PLCG2: variants seen among roughly 807,000 people sequenced by gnomAD.
PLCG2 encodes the protein 1-phosphatidylinositol 4,5-bisphosphate phosphodiesterase gamma-2.
Under a neutral mutation model 175.6 loss-of-function variants are expected in PLCG2, and 69 were observed. The ratio of observed to expected loss-of-function variants is 0.39; its 90% CI spans 0.32 to 0.48. The LOEUF (loss-of-function observed/expected upper bound fraction) is 0.48. PLCG2 is among the 20% of genes least tolerant of loss of function. The pLI, the probability that PLCG2 is intolerant of heterozygous loss-of-function variation, is 0.91. For missense variants in PLCG2, 1,798 were observed against 1,650.9 expected (o/e 1.09, Z -1.54); for synonymous variants, 827 against 624.0 (o/e 1.33, Z -4.85).
chr16:81,928,680 C>G, intron 24 of PLCG2, 56 bp downstream of exon 24: 1 of 1,171,574 alleles, frequency 8.5e-7, no homozygotes, highest in Non-Finnish European at 1.3e-6. Flanking sequence ...CATGGGCTGA[C>G]CTCAGCCCCG....
chr16:81,847,470 G>A (rs184967747), intron 2 of PLCG2, among the ~76,000 whole-genome samples: 25 of 151,998 alleles, frequency 1.6e-4, no homozygotes, highest in Admixed American at 5.3e-4. Flanking sequence ...TAATCACATC[G>A]TTGGTTCCCC....
At chr16:81,742,763 A>T (rs533784244) in intron 1 of PLCG2, among the ~76,000 whole-genome samples, 1 of 152,286 alleles carries the variant, frequency 6.6e-6, no homozygotes, top group Admixed American at 6.5e-5. Context: ...GGGAGTGAAC[A>T]GGGGCCGGGA....
In PLCG2 at chr16:81,877,289, C is replaced by G. The variant is rs368512992; in HGVS notation, c.649-3621C>G. On this transcript the variant is annotated intron_variant, in intron 7 of 32. Coordinates refer to ENST00000564138, the MANE Select transcript of PLCG2 (RefSeq NM_002661.5). ...CTGACACGGTGAAACCCTGTCTCTA[C>G]TAAAAATACAAAAAAAATTAGCTGG... is the stretch of plus-strand genomic sequence containing the variant. Among the ~76,000 whole-genome samples, 161 of 150,128 alleles carry G rather than the reference C, an allele frequency of 1.1e-3. 1 individual carries two copies. The highest frequency in any genetic ancestry group is 3.3e-3 in the African/African-American group (136 of 41,334).
chr16:81,851,073 A>G (rs559020998), intron 2 of PLCG2, among the ~76,000 whole-genome samples: 2 of 152,218 alleles, frequency 1.3e-5, no homozygotes, highest in South Asian at 4.1e-4. Context: ...TCCTTTCTCT[A>G]CTTTCTCTCA....
At chr16:81,935,249 T>C (rs1413018440) in intron 26 of PLCG2, among the ~76,000 whole-genome samples, 1 of 152,102 alleles carries the variant, frequency 6.6e-6, no homozygotes, top group Non-Finnish European at 1.5e-5. Context: ...TCCTTGGCCT[T>C]CTCCTCTTCT....
intron 20 of PLCG2, among the ~76,000 whole-genome samples, chr16:81,920,014 T>C (rs1057277585): frequency 2.0e-5 from 3 of 152,060 alleles, no homozygotes; most frequent in Non-Finnish European, 4.4e-5. Context: ...GAATGAGCCA[T>C]GTGGGTATGT....
chr16:81,792,445 C>T (rs371866776), intron 2 of PLCG2, among the ~76,000 whole-genome samples: 11 of 126,916 alleles, frequency 8.7e-5, no homozygotes, highest in African/African-American at 3.1e-4. Context: ...CACTCCACTG[C>T]ACTCCAGCCT....
intron 2 of PLCG2, among the ~76,000 whole-genome samples, chr16:81,841,612 T>C (rs1291093067): frequency 6.6e-6 from 1 of 152,170 alleles, no homozygotes; most frequent in Non-Finnish European, 1.5e-5. Flanking sequence ...TTCCATTTCA[T>C]AGATGAGAAA....
intron 2 of PLCG2, among the ~76,000 whole-genome samples, chr16:81,845,579 A>G (rs1906071837): frequency 6.6e-6 from 1 of 152,222 alleles, no homozygotes; most frequent in Non-Finnish European, 1.5e-5. Context: ...CATGACTTGG[A>G]TAGCTCCTGG....
At chr16:81,954,556 A>G (rs1475056631) in intron 31 of PLCG2, among the ~76,000 whole-genome samples, 2 of 151,658 alleles carry the variant, frequency 1.3e-5, no homozygotes, top group African/African-American at 2.4e-5. Context: ...TCATTGTTCA[A>G]CTCCCACTTA....
chr16:81,900,667 A>T lies in PLCG2; in HGVS notation c.1249A>T (p.Met417Leu), dbSNP rs1482735473. 6.2e-7 allele frequency: 1 copy of T among 1,612,296 alleles called. No individual in the cohort carries two copies. Among genetic ancestry groups the T allele is most frequent in the African/African-American group, 1.3e-5 (1 of 74,904 alleles). The change falls in exon 14 of 33, where the codon ATG becomes TTG. Residue 417 changes from methionine to leucine, a missense_variant. Transcript: ENST00000564138. ...EHCSVEQQRH[M>L]AKAFKEVFGD... ...CTGCAGCGTGGAGCAACAGCGTCAC[A>T]TGGCCAAGGCCTTCAAGGAAGTATT...
chr16:81,854,643 G>A lies in PLCG2; in HGVS notation c.337+56G>A, dbSNP rs917101639. On this transcript the variant is annotated intron_variant, in intron 3 of 32. Transcript: ENST00000564138. ...CCCTGTGCCTTAGTGTCTTCCTGAA[G>A]AAGTTCGCTAATAGCAGAATGCTCA... 2.0e-6 allele frequency: 3 copies of A among 1,528,902 alleles called. No individual in the cohort carries two copies. The Admixed American group carries it at 5.1e-5, about 26-fold the overall frequency. The allele number at this position is 1,528,902 out of a possible 1,614,324, so 94.7% of individuals were successfully genotyped here.
intron 29 of PLCG2, among the ~76,000 whole-genome samples, chr16:81,939,607 CAA>C: frequency 9.8e-6 from 1 of 101,598 alleles, no homozygotes; most frequent in African/African-American, 5.0e-5. Flanking sequence ...GCTCTGCAAA[CAA>C]ACACCTCCCC....
intron 2 of PLCG2, among the ~76,000 whole-genome samples, chr16:81,840,742 C>T (rs1039161761): frequency 3.9e-5 from 6 of 152,190 alleles, no homozygotes; most frequent in Admixed American, 1.3e-4. Flanking sequence ...CGATTCCTAA[C>T]GGGCCACAGA....
At chr16:81,917,546 C>T (rs1049824055) in intron 19 of PLCG2, among the ~76,000 whole-genome samples, 11 of 152,282 alleles carry the variant, frequency 7.2e-5, no homozygotes, top group South Asian at 4.1e-4. Flanking sequence ...TCCACATCCC[C>T]ACCAGCACTT....
At chr16:81,881,167 A>G (rs564569455) in intron 8 of PLCG2, among the ~76,000 whole-genome samples, 9 of 152,344 alleles carry the variant, frequency 5.9e-5, no homozygotes, top group African/African-American at 1.7e-4. Context: ...AGGATGGTCC[A>G]GAAAGTTCTG....
intron 32 of PLCG2, 88 bp downstream of exon 32, chr16:81,956,967 C>G (rs902963125): frequency 1.7e-6 from 2 of 1,153,258 alleles, no homozygotes; most frequent in Admixed American, 2.1e-5. Context: ...TCTGGAAAGC[C>G]CTCTGAGTTG....
intron 9 of PLCG2, among the ~76,000 whole-genome samples, chr16:81,888,765 A>G (rs1264159407): frequency 6.6e-6 from 1 of 152,230 alleles, no homozygotes; most frequent in African/African-American, 2.4e-5. Flanking sequence ...AACAAACGTA[A>G]AGAGCTATCA....
intron 1 of PLCG2, among the ~76,000 whole-genome samples, chr16:81,780,672 A>C (rs900003933): frequency 2.0e-5 from 3 of 152,210 alleles, no homozygotes; most frequent in East Asian, 3.8e-4. Flanking sequence ...AGACCCCATG[A>C]ATAGCCCTTT....
Sources: allele counts gnomAD v4.1 joint callset (sites outside exome capture counted in the v4.1 genomes callset), GRCh38; gene constraint gnomAD v4.1.1; transcripts MANE v1.5; gene names NCBI Gene and HGNC (gene_info 2026-07-23, HGNC 2026-07-21).